The following PPP2R2B variants were observed in gnomAD, a reference collection of about 807,000 sequenced individuals.
The protein encoded by PPP2R2B is serine/threonine-protein phosphatase 2A 55 kDa regulatory subunit B beta isoform.
PPP2R2B carries 5 observed loss-of-function variants against 46.0 expected under a neutral mutation model. The observed-to-expected ratio is 0.11, with a 90% CI of 0.06 to 0.23. The LOEUF (loss-of-function observed/expected upper bound fraction) is 0.23. PPP2R2B is among the 10% of genes least tolerant of loss of function. The pLI, the probability that PPP2R2B is intolerant of heterozygous loss-of-function variation, is 1.00. For synonymous variants in PPP2R2B, 215 were observed against 206.7 expected (o/e 1.04, Z -0.34); for missense variants, 367 against 575.0 (o/e 0.64, Z 3.70).
intron 1 of PPP2R2B, among the ~76,000 whole-genome samples, chr5:147,047,227 T>G (rs781095412): frequency 6.6e-6 from 1 of 152,072 alleles, no homozygotes; most frequent in Admixed American, 6.6e-5. Flanking sequence ...TAAGTTCCAG[T>G]GTTCTATACC....
At chr5:146,772,217 C>G (rs1403596617) in intron 2 of PPP2R2B, among the ~76,000 whole-genome samples, 2 of 151,768 alleles carry the variant, frequency 1.3e-5, no homozygotes, top group African/African-American at 4.8e-5. Context: ...ATAATTTATC[C>G]CCTAAAACAG....
At chr5:146,772,383 CATATATATATATATATATATATAT>C (rs33981708) in intron 2 of PPP2R2B, among the ~76,000 whole-genome samples, 12,917 of 133,506 alleles carry the variant, frequency 0.097, 1,003 homozygotes, top group East Asian at 0.34. Context: ...ATAACTTGTG[CATATATATATATATATATATATAT>C]ATATATATAT....
Position 146,928,282 on chromosome 5 carries a change from T to C in PPP2R2B, c.79+127383A>G, listed in dbSNP as rs529084134. On this transcript the variant is annotated intron_variant, in intron 1 of 8. Coordinates refer to the PPP2R2B transcript ENST00000336640. ...GCCCTTTTTAGGTTTATATATATATTTTTTTAGATCAGATCTCTCCCCCAA... is the reference window on the plus strand; with the variant it reads ...GCCCTTTTTAGGTTTATATATATATCTTTTTAGATCAGATCTCTCCCCCAA... Among the ~76,000 whole-genome samples, 5 of 150,088 alleles carry C rather than the reference T, an allele frequency of 3.3e-5. No individual in the cohort carries two copies. The East Asian group carries it at 7.8e-4, about 23-fold the overall frequency.
intron 1 of PPP2R2B, among the ~76,000 whole-genome samples, chr5:146,949,413 A>G (rs1298007936): frequency 6.6e-6 from 1 of 152,122 alleles, no homozygotes; most frequent in Non-Finnish European, 1.5e-5. Context: ...GCTCAATGTC[A>G]TTGATCATCT....
At chr5:146,811,630 G>A (rs1353033839) in intron 2 of PPP2R2B, among the ~76,000 whole-genome samples, 8 of 137,176 alleles carry the variant, frequency 5.8e-5, no homozygotes, top group Non-Finnish European at 9.3e-5. Flanking sequence ...GCGCGATCTC[G>A]GCTCACTGCA....
rs959840649 is a variant in PPP2R2B, at chr5:146,613,808, T to C, written c.791-13348A>G. On this transcript the variant is annotated intron_variant, in intron 7 of 9. Coordinates refer to ENST00000394411, the MANE Select transcript of PPP2R2B (RefSeq NM_181675.4). ...CAACTTACAAGGGATAGGAAGGACC[T>C]CTTCAAGGAGAACTACAAACCACTG... 6.1e-4 allele frequency among the ~76,000 whole-genome samples: 88 copies of C among 143,330 alleles called. 5 individuals carry two copies. Among genetic ancestry groups the C allele is most frequent in the Non-Finnish European group, 9.8e-4 (66 of 67,576 alleles). The allele number at this position is 143,330 out of a possible 152,430, so 94.0% of individuals were successfully genotyped here. A position where few individuals can be genotyped will look rare whatever the true frequency, so the allele number is the denominator to read the frequency against.
intron 1 of PPP2R2B, among the ~76,000 whole-genome samples, chr5:147,016,301 C>G (rs1270760265): frequency 1.3e-5 from 2 of 151,226 alleles, no homozygotes; most frequent in African/African-American, 2.4e-5. Context: ...CACCACTGCA[C>G]TCCTGCCTAG....
Position 146,964,989 on chromosome 5 carries a change from T to C in PPP2R2B, c.79+90676A>G, listed in dbSNP as rs183014034. Among the ~76,000 whole-genome samples the C allele has an allele frequency of 8.5e-4, 129 of 152,282 alleles. 1 individual carries two copies. Among genetic ancestry groups the C allele is most frequent in the Middle Eastern group, 3.4e-3 (1 of 294 alleles). ...ATAATATACCATTTGTCTCTAACTT[T>C]CCTTCCAATTCTAGCATACCATCAC... is the stretch of plus-strand genomic sequence containing the variant. On this transcript the variant is annotated intron_variant, in intron 1 of 8. Transcript: ENST00000336640.
At chr5:147,003,536 C>T (rs201298747) in intron 1 of PPP2R2B, among the ~76,000 whole-genome samples, 2 of 152,084 alleles carry the variant, frequency 1.3e-5, no homozygotes, top group African/African-American at 4.8e-5. Context: ...AAACCCTGGC[C>T]TTTAATGAAA....
upstream of PPP2R2B, among the ~76,000 whole-genome samples, chr5:147,060,619 G>A (rs1458742681): frequency 6.6e-6 from 1 of 152,016 alleles, no homozygotes; most frequent in African/African-American, 2.4e-5. Flanking sequence ...CAAAGTAAGT[G>A]AGAGTCTGTC....
chr5:146,820,443 G>T (rs1758189038), intron 2 of PPP2R2B, among the ~76,000 whole-genome samples: 1 of 152,146 alleles, frequency 6.6e-6, no homozygotes, highest in Non-Finnish European at 1.5e-5. Flanking sequence ...CTCATTTGTG[G>T]ATAATTGAGA....
At position 146,587,171 on chromosome 5, in the gene PPP2R2B, CACTA is replaced by C. The variant is rs1486943348; in HGVS notation, c.*2772_*2775del. 2 of 152,188 alleles carry C rather than the reference CACTA, an allele frequency of 1.3e-5. No individual in the cohort carries two copies. Among genetic ancestry groups the C allele is most frequent in the Non-Finnish European group, 2.9e-5 (2 of 68,046 alleles). 9.4% of individuals were successfully genotyped at this position (152,188 alleles called of 1,614,324 possible). ...GGAAAACAGACTGACTTCTATGTGC[CACTA>C]ACTAAGAAATATTGCCAGTACTGGG... On this transcript the variant is annotated 3_prime_UTR_variant, in exon 10 of 10. Transcript: ENST00000394411.
chr5:146,782,080 G>C (rs1188816686), intron 2 of PPP2R2B, among the ~76,000 whole-genome samples: 1 of 152,126 alleles, frequency 6.6e-6, no homozygotes, highest in Non-Finnish European at 1.5e-5. Flanking sequence ...CCAGCGATTT[G>C]AATACTGGCT....
chr5:147,002,535 A>G (rs1049364882), intron 1 of PPP2R2B, among the ~76,000 whole-genome samples: 1 of 149,424 alleles, frequency 6.7e-6, no homozygotes, highest in African/African-American at 2.6e-5. Flanking sequence ...AGAATGTGTC[A>G]GTAAGGGCCA....
chr5:146,718,266 T>C (rs1335143273), intron 2 of PPP2R2B, among the ~76,000 whole-genome samples: 1 of 152,072 alleles, frequency 6.6e-6, no homozygotes, highest in Non-Finnish European at 1.5e-5. Context: ...CACACGCCTA[T>C]AGTCTCAGCT....
At chr5:146,862,877 A>C (rs11167948) in intron 2 of PPP2R2B, among the ~76,000 whole-genome samples, 2,025 of 150,104 alleles carry the variant, frequency 0.013, 43 homozygotes, top group African/African-American at 0.044. Flanking sequence ...AAAAAAAAAA[A>C]CCCTGGCTTA....
At chr5:146,672,893 C>T (rs1777462669) in intron 5 of PPP2R2B, among the ~76,000 whole-genome samples, 1 of 151,960 alleles carries the variant, frequency 6.6e-6, no homozygotes, top group South Asian at 2.1e-4. Flanking sequence ...ATTTTTTTGT[C>T]TTGAAATATA....
At chr5:146,988,279 A>G (rs903321108) in intron 1 of PPP2R2B, among the ~76,000 whole-genome samples, 2 of 151,974 alleles carry the variant, frequency 1.3e-5, no homozygotes, top group Non-Finnish European at 2.9e-5. Context: ...CTTAACAGAT[A>G]TTATAAAACA....
chr5:146,938,012 G>A (rs965717753), intron 1 of PPP2R2B, among the ~76,000 whole-genome samples: 1 of 152,132 alleles, frequency 6.6e-6, no homozygotes, highest in Non-Finnish European at 1.5e-5. Flanking sequence ...TGAGCACTCT[G>A]TAAGCAGTTA....
Sources: gnomAD v4.1 joint callset for allele counts (sites outside exome capture counted in the v4.1 genomes callset) on GRCh38, gnomAD v4.1.1 for gene constraint, MANE v1.5 for transcripts, NCBI Gene and HGNC (gene_info 2026-07-23, HGNC 2026-07-21) for gene names.